The following RBFOX1 variants were observed in gnomAD, a reference collection of about 807,000 sequenced individuals.
RBFOX1 encodes the protein RNA binding protein fox-1 homolog 1.
Under a neutral mutation model 57.7 loss-of-function variants are expected in RBFOX1, and 8 were observed. That is an observed-to-expected ratio of 0.14 (90% confidence interval 0.08 to 0.25). The LOEUF (loss-of-function observed/expected upper bound fraction) is 0.25, where lower values mean the gene tolerates loss of function less well. Among genes scored for constraint, RBFOX1 ranks in the 10% least tolerant of loss-of-function variants. The pLI, the probability that RBFOX1 is intolerant of heterozygous loss-of-function variation, is 1.00. For missense variants in RBFOX1, 611 were observed against 548.5 expected (o/e 1.11, Z -1.14); for synonymous variants, 326 against 222.4 (o/e 1.47, Z -4.15).
chr16:7,028,519 G>A (rs1485777167), intron 3 of RBFOX1, among the ~76,000 whole-genome samples: 4 of 147,672 alleles, frequency 2.7e-5, no homozygotes, highest in Non-Finnish European at 5.9e-5. Context: ...CCCGGGAGGC[G>A]GAGGTTGCAG....
chr16:6,226,741 C>G (rs2097421317), intron 1 of RBFOX1, among the ~76,000 whole-genome samples: 1 of 152,122 alleles, frequency 6.6e-6, no homozygotes, highest in African/African-American at 2.4e-5. Context: ...TTGACCCTCA[C>G]TTTCTTTCAT....
chr16:5,346,277 G>C (rs753070625), intron 1 of RBFOX1, among the ~76,000 whole-genome samples: 3 of 152,216 alleles, frequency 2.0e-5, no homozygotes, highest in Non-Finnish European at 2.9e-5. Context: ...AAGTCTTATA[G>C]AGCTGTGGTG....
chr16:6,912,089 T>A (rs556216137), intron 3 of RBFOX1, among the ~76,000 whole-genome samples: 3 of 152,338 alleles, frequency 2.0e-5, no homozygotes, highest in Admixed American at 6.5e-5. Context: ...TGCTGTTGCT[T>A]TTTTTAGCTC....
At chr16:5,763,434 T>C (rs2053657178) in intron 3 of RBFOX1, among the ~76,000 whole-genome samples, 1 of 152,188 alleles carries the variant, frequency 6.6e-6, no homozygotes, top group African/African-American at 2.4e-5. Flanking sequence ...TGCGCCCATG[T>C]CTTGGAGGGA....
intron 5 of RBFOX1, among the ~76,000 whole-genome samples, chr16:7,568,261 A>T (rs1345105117): frequency 6.6e-6 from 1 of 152,188 alleles, no homozygotes; most frequent in East Asian, 1.9e-4. Flanking sequence ...TTTCTTGATT[A>T]TGTATTAAAC....
intron 4 of RBFOX1, among the ~76,000 whole-genome samples, chr16:7,193,098 G>A (rs9937717): frequency 0.64 from 97,165 of 152,112 alleles, 31,676 homozygotes; most frequent in African/African-American, 0.77. Context: ...TACATGTAGA[G>A]TTAGGCTTGC....
At chr16:6,339,460 G>A (rs546977595) in intron 2 of RBFOX1, among the ~76,000 whole-genome samples, 1 of 152,114 alleles carries the variant, frequency 6.6e-6, no homozygotes, top group Non-Finnish European at 1.5e-5. Flanking sequence ...TGAGGGCTAG[G>A]GTTCTTGGAG....
chr16:7,169,372 A>T (rs2080222062), intron 4 of RBFOX1, among the ~76,000 whole-genome samples: 1 of 152,176 alleles, frequency 6.6e-6, no homozygotes, highest in African/African-American at 2.4e-5. Context: ...TCAGATAATT[A>T]CTTGTTATGG....
chr16:6,551,877 G>C (rs952827242), intron 2 of RBFOX1, among the ~76,000 whole-genome samples: 9 of 152,160 alleles, frequency 5.9e-5, no homozygotes, highest in Middle Eastern at 3.2e-3. Flanking sequence ...ATTTCAGAGT[G>C]GGAAAAGCCT....
chr16:7,645,183 C>G (rs1167317971), intron 11 of RBFOX1, among the ~76,000 whole-genome samples: 1 of 152,144 alleles, frequency 6.6e-6, no homozygotes, highest in African/African-American at 2.4e-5. Flanking sequence ...CTATAACAGC[C>G]TAGAAACTTC....
In RBFOX1 at chr16:6,859,631, C is replaced by G. The variant is rs138690088; in HGVS notation, c.-15-192426C>G. ...TCCTGCCGCCTCTCTGTGTCGATAA[C>G]CTCCATGGAACTGTGTTTGTGAGAT... On this transcript the variant is annotated intron_variant, in intron 3 of 15. Transcript: ENST00000550418. Among the ~76,000 whole-genome samples, 564 of 152,194 alleles carry G rather than the reference C, an allele frequency of 3.7e-3. 5 individuals are homozygous for G. Among genetic ancestry groups the G allele is most frequent in the African/African-American group, 0.013 (533 of 41,534 alleles).
chr16:6,790,402 C>A (rs1210868883), intron 3 of RBFOX1, among the ~76,000 whole-genome samples: 3 of 152,028 alleles, frequency 2.0e-5, no homozygotes, highest in Admixed American at 6.6e-5. Context: ...CCTGGCTGGT[C>A]TTGAACTCCT....
At chr16:7,424,758 A>C (rs766205231) in intron 4 of RBFOX1, among the ~76,000 whole-genome samples, 10 of 152,226 alleles carry the variant, frequency 6.6e-5, no homozygotes, top group Non-Finnish European at 1.3e-4. Context: ...TCCTAAAAGC[A>C]AGCAAACAAA....
chr16:6,892,686 A>C (rs1419847026), intron 3 of RBFOX1, among the ~76,000 whole-genome samples: 1 of 152,092 alleles, frequency 6.6e-6, no homozygotes, highest in Non-Finnish European at 1.5e-5. Flanking sequence ...CAAACAAAAA[A>C]GCCTGAGAGT....
rs114502940 is a variant in RBFOX1 at position 5,298,753 on chromosome 16, C to G, written c.219+58648C>G. Among the ~76,000 whole-genome samples, 83 of 20,326 alleles carry G rather than the reference C, an allele frequency of 4.1e-3. 1 individual carries two copies. The highest frequency in any genetic ancestry group is 0.015 in the African/African-American group (77 of 5,158). The allele number at this position is 20,326 out of a possible 152,430, so 13.3% of individuals were successfully genotyped here. A position where few individuals can be genotyped will look rare whatever the true frequency, so the allele number is the denominator to read the frequency against. On this transcript the variant is annotated intron_variant, in intron 1 of 2. Coordinates refer to the RBFOX1 transcript ENST00000585867. ...CTATGTAGAGTTTGATTCTTCACAA[C>G]TTGGCTGAAAACATTCATGAAGACT...
At chr16:7,386,055 C>G (rs1179837069) in intron 4 of RBFOX1, among the ~76,000 whole-genome samples, 1 of 151,824 alleles carries the variant, frequency 6.6e-6, no homozygotes, top group Non-Finnish European at 1.5e-5. Context: ...TCCCAAAGTG[C>G]TGGGATTGCA....
At chr16:6,926,564 C>T (rs1226693023) in intron 3 of RBFOX1, among the ~76,000 whole-genome samples, 3 of 152,208 alleles carry the variant, frequency 2.0e-5, no homozygotes, top group Admixed American at 6.5e-5. Flanking sequence ...AGAAATCCTG[C>T]AGGCTCTGCC....
At chr16:6,441,902 G>T (rs8052524) in intron 2 of RBFOX1, among the ~76,000 whole-genome samples, 2 of 151,844 alleles carry the variant, frequency 1.3e-5, no homozygotes, top group African/African-American at 2.4e-5. Flanking sequence ...AGGCAGCAGT[G>T]GTCAGCGTGG....
intron 2 of RBFOX1, among the ~76,000 whole-genome samples, chr16:6,652,056 C>T (rs1383239015): frequency 1.3e-5 from 2 of 152,060 alleles, no homozygotes. Context: ...TCGTAACTTC[C>T]AATGTGATTG....
Sources: gnomAD v4.1 joint callset for allele counts (sites outside exome capture counted in the v4.1 genomes callset) on GRCh38, gnomAD v4.1.1 for gene constraint, MANE v1.5 for transcripts, NCBI Gene and HGNC (gene_info 2026-07-23, HGNC 2026-07-21) for gene names.